GNPDA2: variants seen among roughly 807,000 people sequenced by gnomAD.
The protein encoded by GNPDA2 is glucosamine-6-phosphate deaminase 2.
A neutral mutation model predicts 27.0 loss-of-function variants in GNPDA2; 24 were observed. The ratio of observed to expected loss-of-function variants is 0.89; its 90% CI spans 0.64 to 1.25. The LOEUF is 1.25. Ranked by LOEUF, GNPDA2 falls within the 50% of genes most tolerant of loss-of-function variation. The pLI is 0.00. For missense variants in GNPDA2, 286 were observed against 335.1 expected (o/e 0.85, Z 1.14); for synonymous variants, 94 against 108.4 (o/e 0.87, Z 0.83).
intron 2 of GNPDA2, 67 bp from the exon 3 acceptor site, chr4:44,718,477 C>T: frequency 2.1e-6 from 1 of 472,238 alleles, no homozygotes. Context: ...TTTTTATTAA[C>T]TTTACCTGTG....
At chr4:44,720,300 A>C (rs1042690397) in intron 2 of GNPDA2, among the ~76,000 whole-genome samples, 2 of 152,172 alleles carry the variant, frequency 1.3e-5, no homozygotes, top group Non-Finnish European at 2.9e-5. Flanking sequence ...GAATTTGCCA[A>C]ATGTCATATG....
intron 6 of GNPDA2, chr4:44,705,231 T>C (rs1283415059): frequency 1.7e-5 from 17 of 980,864 alleles, no homozygotes; most frequent in Non-Finnish European, 1.8e-5. Flanking sequence ...TTTGATATAC[T>C]AGTAACTCAA....
At chr4:44,713,849 C>A (rs1261371515) in intron 4 of GNPDA2, among the ~76,000 whole-genome samples, 1 of 152,168 alleles carries the variant, frequency 6.6e-6, no homozygotes, top group Non-Finnish European at 1.5e-5. Flanking sequence ...CACTGTACTC[C>A]AGCCTGGGCA....
chr4:44,703,575 T>C, intron 6 of GNPDA2: 1 of 985,318 alleles, frequency 1.0e-6, no homozygotes, highest in Non-Finnish European at 1.2e-6. Flanking sequence ...ACCCTATCCA[T>C]TCGTCTGGTA....
intron 5 of GNPDA2, among the ~76,000 whole-genome samples, chr4:44,708,560 A>G (rs1364230095): frequency 2.6e-5 from 4 of 152,126 alleles, no homozygotes; most frequent in African/African-American, 9.7e-5. Context: ...TAAGCTACAG[A>G]AAATCCAAGC....
rs936112252 is a variant in GNPDA2, at chr4:44,702,321, T to A, written c.*760A>T. The A allele has an allele frequency of 4.2e-6, 3 of 715,106 alleles. No individual in the cohort carries two copies. Among genetic ancestry groups the A allele is most frequent in the Non-Finnish European group, 5.1e-6 (3 of 583,188 alleles). The allele number at this position is 715,106 out of a possible 1,614,324, so 44.3% of individuals were successfully genotyped here. On this transcript the variant is annotated 3_prime_UTR_variant, in exon 7 of 7. Transcript: ENST00000295448. ...AATTGTATATTAAGTTTAACAATAA[T>A]CAGAAAATATTCTCCAAAAGAATTT...
At chr4:44,703,771 C>A (rs1399537544) in intron 6 of GNPDA2, 1 of 984,988 alleles carries the variant, frequency 1.0e-6, no homozygotes, top group Non-Finnish European at 1.2e-6. Context: ...CATATACTTG[C>A]AGACTGCTCT....
chr4:44,702,218 A>G lies in GNPDA2; in HGVS notation c.*863T>C, dbSNP rs1716315079. 4.0e-6 allele frequency: 3 copies of G among 743,844 alleles called. No individual in the cohort carries two copies. The South Asian group carries it at 1.8e-4, about 45-fold the overall frequency. 46.1% of individuals were successfully genotyped at this position (743,844 alleles called of 1,614,324 possible). A position where few individuals can be genotyped will look rare whatever the true frequency, so the allele number is the denominator to read the frequency against. ...ACAATATACTTTTATGTAAATTGCT[A>G]TGGCAATGTAGTTTACAGTAATTCC... On this transcript the variant is annotated 3_prime_UTR_variant, in exon 7 of 7. Coordinates refer to ENST00000295448, the MANE Select transcript of GNPDA2 (RefSeq NM_138335.3).
At chr4:44,726,066 G>C (rs1717997558) in intron 1 of GNPDA2, among the ~76,000 whole-genome samples, 3 of 152,312 alleles carry the variant, frequency 2.0e-5, no homozygotes, top group Admixed American at 6.5e-5. Context: ...GGAGGGACGA[G>C]AGACAGCAAA....
intron 1 of GNPDA2, among the ~76,000 whole-genome samples, chr4:44,726,238 G>A (rs916061826): frequency 1.3e-5 from 2 of 152,070 alleles, no homozygotes; most frequent in Non-Finnish European, 2.9e-5. Flanking sequence ...CCGCGAGAGA[G>A]GAGAGGGCAG....
intron 6 of GNPDA2, chr4:44,707,311 G>T (rs947027533): frequency 2.3e-5 from 4 of 172,520 alleles, no homozygotes; most frequent in African/African-American, 9.4e-5. Context: ...GCTTAAAATT[G>T]TAAAGATTAA....
intron 5 of GNPDA2, among the ~76,000 whole-genome samples, chr4:44,708,361 AAAC>A (rs1716747338): frequency 6.6e-6 from 1 of 152,176 alleles, no homozygotes; most frequent in South Asian, 2.1e-4. Context: ...AAAGACTCTA[AAAC>A]AACAGGTAAT....
intron 4 of GNPDA2, chr4:44,714,595 C>T: frequency 4.1e-6 from 4 of 981,278 alleles, no homozygotes; most frequent in Non-Finnish European, 4.8e-6. Flanking sequence ...TTCAACTTTA[C>T]CTTTAATAAA....
At chr4:44,707,969 G>A (rs1716716921) in intron 5 of GNPDA2, 43 bp from the exon 6 acceptor site, 1 of 1,386,144 alleles carries the variant, frequency 7.2e-7, no homozygotes, top group Non-Finnish European at 9.8e-7. Context: ...TGTTCCAAAT[G>A]AGTAAGAAGC....
chr4:44,714,275 C>T, intron 4 of GNPDA2: 1 of 984,420 alleles, frequency 1.0e-6, no homozygotes, highest in Non-Finnish European at 1.2e-6. Context: ...GGATCCCAGC[C>T]CTAGATTTTA....
intron 2 of GNPDA2, among the ~76,000 whole-genome samples, chr4:44,720,175 G>A (rs1433947904): frequency 6.6e-6 from 1 of 152,140 alleles, no homozygotes; most frequent in African/African-American, 2.4e-5. Flanking sequence ...CTACCATGTG[G>A]CTAGATGCTG....
chr4:44,701,948 GCTT>G lies in GNPDA2; in HGVS notation c.*1130_*1132del, dbSNP rs1716292067. The G allele has an allele frequency of 1.0e-6, 1 of 984,598 alleles. No homozygotes were observed. The highest frequency in any genetic ancestry group is 1.2e-6 in the Non-Finnish European group (1 of 829,448). 61.0% of individuals were successfully genotyped at this position (984,598 alleles called of 1,614,324 possible). ...TCACATAGACAAGCAGATAAGTAAG[GCTT>G]CTTCTACCAGGTGGGCTTATGAAAT... On this transcript the variant is annotated 3_prime_UTR_variant, in exon 7 of 7. Coordinates refer to ENST00000295448, the MANE Select transcript of GNPDA2 (RefSeq NM_138335.3).
chr4:44,717,230 C>A lies in GNPDA2; in HGVS notation c.292G>T (p.Asp98Tyr). 1 of 1,571,626 alleles carries A rather than the reference C, an allele frequency of 6.4e-7. No individual in the cohort carries two copies. Residue 98 changes from aspartate (D) to tyrosine (Y), a missense_variant, in exon 4 of 7, where the codon GAT becomes TAT. By Grantham distance (160) the Asp-to-Tyr change is radical. Coordinates refer to ENST00000295448, the MANE Select transcript of GNPDA2 (RefSeq NM_138335.3). ...YMWNNFFKHI[D>Y]IDPNNAHILD... ...ATATGTGCATTATTAGGATCTATAT[C>A]GATATGCTTAAAAAAATTATTCCAC...
chr4:44,703,817 C>T (rs1477211124), intron 6 of GNPDA2: 1 of 985,032 alleles, frequency 1.0e-6, no homozygotes, highest in African/African-American at 1.7e-5. Flanking sequence ...AGCTGATCTT[C>T]CAGTTACTCC....
Sources: gnomAD v4.1 joint callset for allele counts (sites outside exome capture counted in the v4.1 genomes callset) on GRCh38, gnomAD v4.1.1 for gene constraint, MANE v1.5 for transcripts, NCBI Gene and HGNC (gene_info 2026-07-23, HGNC 2026-07-21) for gene names.